The following MSANTD1 variants were observed in gnomAD, a reference collection of about 807,000 sequenced individuals.
MSANTD1 encodes myb/SANT-like DNA-binding domain-containing protein 1.
In MSANTD1, 7 loss-of-function variants were observed where a neutral mutation model predicts 24.2. The observed-to-expected ratio is 0.29, with a 90% CI of 0.16 to 0.54. The LOEUF is 0.54. Ranked by LOEUF, MSANTD1 falls within the 20% of genes least tolerant of loss-of-function variation. MSANTD1 has a pLI of 0.94. For missense variants in MSANTD1, 384 were observed against 408.2 expected (o/e 0.94, Z 0.51); for synonymous variants, 177 against 181.1 (o/e 0.98, Z 0.18).
At chr4:3,253,120 G>A (rs1486314958) in intron 1 of MSANTD1, 87 bp from the exon 2 acceptor site, 6 of 1,356,588 alleles carry the variant, frequency 4.4e-6, no homozygotes, top group South Asian at 1.8e-5. Context: ...CTGTGCCGGC[G>A]TGGCGCGCCC....
At chr4:3,255,667 C>T (rs1156619161) in intron 2 of MSANTD1, 58 bp from the exon 3 acceptor site, 1 of 1,463,200 alleles carries the variant, frequency 6.8e-7, no homozygotes, top group South Asian at 1.4e-5. Context: ...TCCGGTGAGG[C>T]CCCTGGTGTG....
chr4:3,249,928 T>C (rs1184338237), intron 1 of MSANTD1, among the ~76,000 whole-genome samples: 1 of 152,150 alleles, frequency 6.6e-6, no homozygotes, highest in Admixed American at 6.5e-5. Flanking sequence ...TGCTCCCCCA[T>C]AGGGAGGCGG....
chr4:3,249,772 AG>A (rs1341386518), intron 1 of MSANTD1, among the ~76,000 whole-genome samples: 2 of 152,232 alleles, frequency 1.3e-5, no homozygotes, highest in Non-Finnish European at 2.9e-5. Flanking sequence ...CAGCAAGGGC[AG>A]GAAACCAGTC....
chr4:3,248,931 C>T (rs953414101), upstream of MSANTD1: 6 of 329,348 alleles, frequency 1.8e-5, no homozygotes, highest in African/African-American at 4.3e-5. Context: ...AACTGGGGGC[C>T]GATCCGCCTG....
chr4:3,245,581 C>G (rs1161671841), upstream of MSANTD1, among the ~76,000 whole-genome samples: 1 of 152,194 alleles, frequency 6.6e-6, no homozygotes, highest in Non-Finnish European at 1.5e-5. Flanking sequence ...GGAAAGGCAT[C>G]CTCCGCGAGC....
Position 3,255,918 on chromosome 4 carries a change from C to A in MSANTD1, c.790C>A (p.Arg264Ser). ...LQVQSLQLQE[R>S]MMSLLERIIT... ...GGTGCAGAGCCTGCAGCTGCAGGAG[C>A]GCATGATGAGTCTGCTGGAGAGGAT... is the stretch of plus-strand genomic sequence containing the variant. The change falls in exon 3 of 3, where the codon CGC (arginine) becomes AGC (serine). Residue 264 changes from arginine (R) to serine (S), a missense_variant. Transcript: ENST00000438480. 1 of 1,544,966 alleles carries A rather than the reference C, an allele frequency of 6.5e-7. No homozygotes were observed.
chr4:3,249,448 G>T lies in MSANTD1; in HGVS notation c.226G>T (p.Glu76Ter), dbSNP rs781295581. Residue 76 changes from glutamate (E) to a stop codon, truncating the protein, a stop_gained, in exon 1 of 3, where the codon GAG becomes TAG. Coordinates refer to ENST00000438480, the MANE Select transcript of MSANTD1 (RefSeq NM_001042690.2). LOFTEE classifies it high-confidence loss of function. The stretch of plus-strand genomic sequence containing the variant: ...GACCAAGCGCAACGCCAAGGTGTAC[G>T]AGAAGATGGCCAGCAAGCTCTTCGA... ...KQTKRNAKVY[E>*]KMASKLFEMT... The T allele has an allele frequency of 2.5e-6, 4 of 1,611,202 alleles. No homozygotes were observed. Among genetic ancestry groups the T allele is most frequent in the Non-Finnish European group, 3.4e-6 (4 of 1,179,410 alleles).
chr4:3,246,553 G>T, upstream of MSANTD1: 2 of 613,202 alleles, frequency 3.3e-6, no homozygotes, highest in Non-Finnish European at 5.9e-6. Flanking sequence ...ACCAGGGACA[G>T]CTCCTGCCGA....
intron 2 of MSANTD1, among the ~76,000 whole-genome samples, 181 bp from the exon 3 acceptor site, chr4:3,255,544 A>G (rs1336329541): frequency 6.6e-6 from 1 of 152,150 alleles, no homozygotes; most frequent in African/African-American, 2.4e-5. Context: ...CTTTCTGTCA[A>G]AGGCGGTGGG....
upstream of MSANTD1, among the ~76,000 whole-genome samples, chr4:3,245,588 G>A (rs186249270): frequency 2.8e-4 from 43 of 152,312 alleles, 1 homozygote; most frequent in African/African-American, 9.9e-4. Flanking sequence ...CATCCTCCGC[G>A]AGCCCACGAG....
intron 2 of MSANTD1, among the ~76,000 whole-genome samples, chr4:3,253,975 C>G (rs534330352): frequency 8.5e-5 from 13 of 152,214 alleles, no homozygotes; most frequent in Non-Finnish European, 1.9e-4. Flanking sequence ...GGGCATGACC[C>G]GTCCCCTCTG....
chr4:3,246,435 G>T (rs550473003), upstream of MSANTD1, among the ~76,000 whole-genome samples: 25 of 152,360 alleles, frequency 1.6e-4, no homozygotes, highest in South Asian at 2.9e-3. Flanking sequence ...ATGCTGAGCA[G>T]GATGAGAGTC....
At chr4:3,246,520 C>G, upstream of MSANTD1, 1 of 551,686 alleles carries the variant, frequency 1.8e-6, no homozygotes, top group Non-Finnish European at 3.2e-6. Context: ...CCCAGCAGGG[C>G]CCCGCCCATG....
At chr4:3,245,774 T>C (rs1222746396), upstream of MSANTD1, among the ~76,000 whole-genome samples, 1 of 152,148 alleles carries the variant, frequency 6.6e-6, no homozygotes, top group Non-Finnish European at 1.5e-5. Context: ...GAGGACCCAG[T>C]CCTGTTGCAG....
intron 1 of MSANTD1, 121 bp downstream of exon 1, chr4:3,249,663 C>A: frequency 1.0e-6 from 1 of 1,000,582 alleles, no homozygotes; most frequent in Non-Finnish European, 1.5e-6. Flanking sequence ...GCCTGTCGGT[C>A]TCCTCTGGCC....
chr4:3,253,437 A>C lies in MSANTD1; in HGVS notation c.551A>C (p.Asp184Ala), dbSNP rs766218800. The change falls in exon 2 of 3, where the codon GAT becomes GCT. Residue 184 changes from aspartate (D) to alanine (A), a missense_variant. By Grantham distance (126) the Asp-to-Ala change is moderately radical. Transcript: ENST00000438480. ...TGCTCCTACGAAGGCCGCTTCGAGGATGATCGCTCCGACAGCTCCTCCAGC... is the reference window on the plus strand; with the variant it reads ...TGCTCCTACGAAGGCCGCTTCGAGGCTGATCGCTCCGACAGCTCCTCCAGC... ...NQCSYEGRFE[D>A]DRSDSSSSLL... The C allele has an allele frequency of 1.3e-6, 2 of 1,583,170 alleles. No individual in the cohort carries two copies. Among genetic ancestry groups the C allele is most frequent in the Admixed American group, 3.5e-5 (2 of 56,912 alleles).
At chr4:3,246,655 A>G (rs878889360), upstream of MSANTD1, 17 of 698,076 alleles carry the variant, frequency 2.4e-5, no homozygotes, top group Non-Finnish European at 3.4e-5. Flanking sequence ...CCAGCAGGCC[A>G]TGCAGCTTTG....
chr4:3,253,937 C>T (rs913902772), intron 2 of MSANTD1, among the ~76,000 whole-genome samples: 14 of 152,166 alleles, frequency 9.2e-5, no homozygotes, highest in African/African-American at 2.4e-4. Flanking sequence ...GGGAGGGTGT[C>T]GGGCTGCACC....
chr4:3,246,816 T>C (rs1196151311), upstream of MSANTD1: 2 of 576,020 alleles, frequency 3.5e-6, no homozygotes, highest in African/African-American at 1.9e-5. Context: ...GGAAAGGCCA[T>C]GGAGCTTGCC....
Sources: allele counts gnomAD v4.1 joint callset (sites outside exome capture counted in the v4.1 genomes callset), GRCh38; gene constraint gnomAD v4.1.1; transcripts MANE v1.5; gene names NCBI Gene and HGNC (gene_info 2026-07-23, HGNC 2026-07-21).